The following FAM163A variants were observed in gnomAD, a reference collection of about 807,000 sequenced individuals.
FAM163A encodes protein FAM163A.
Under a neutral mutation model 12.0 loss-of-function variants are expected in FAM163A, and 7 were observed. That is an observed-to-expected ratio of 0.58 (90% CI 0.33 to 1.10). The LOEUF (loss-of-function observed/expected upper bound fraction) is 1.10. Ranked by LOEUF, FAM163A falls within the 50% of genes least tolerant of loss-of-function variation. The probability of loss-of-function intolerance (pLI) is 0.03; values close to 1 mark genes in which losing one functional copy is unlikely to be tolerated. For synonymous variants in FAM163A, 101 were observed against 91.0 expected (o/e 1.11, Z -0.62); for missense variants, 202 against 218.6 (o/e 0.92, Z 0.48).
At position 179,813,064 on chromosome 1, in the gene FAM163A, A is replaced by C; in HGVS notation, c.-22-12A>C. 6.4e-7 allele frequency: 1 copy of C among 1,550,698 alleles called. No homozygotes were observed. The highest frequency in any genetic ancestry group is 8.7e-7 in the Non-Finnish European group (1 of 1,146,276). On this transcript the variant is annotated splice_polypyrimidine_tract_variant and intron_variant, in intron 3 of 4. Transcript: ENST00000341785. ...CCACAGCTGGTCCTCAGCCCTCCGC[A>C]CATCTTTGCAGAGTTTGATGGGGCG...
intron 2 of FAM163A, among the ~76,000 whole-genome samples, chr1:179,809,795 G>A (rs1003297057): frequency 7.9e-5 from 12 of 152,282 alleles, no homozygotes; most frequent in African/African-American, 2.6e-4. Context: ...CCTCAGCGAC[G>A]AATATGCAGG....
chr1:179,740,172 TTTG>T (rs58589037), upstream of FAM163A, among the ~76,000 whole-genome samples: 51,698 of 150,872 alleles, frequency 0.34, 9,365 homozygotes, highest in African/African-American at 0.46. Context: ...TTATTTGGTT[TTTG>T]TTGTTGTTGT....
At chr1:179,750,194 A>G (rs1468863546) in intron 1 of FAM163A, among the ~76,000 whole-genome samples, 1 of 152,234 alleles carries the variant, frequency 6.6e-6, no homozygotes, top group Non-Finnish European at 1.5e-5. Context: ...TCAAGATGTC[A>G]GCAAGTGTTT....
intron 1 of FAM163A, among the ~76,000 whole-genome samples, chr1:179,757,144 AG>A (rs34325421): frequency 0.25 from 37,844 of 151,952 alleles, 5,283 homozygotes; most frequent in East Asian, 0.63. Flanking sequence ...GAAGGAAAAG[AG>A]AGATAGTTGG....
intron 1 of FAM163A, among the ~76,000 whole-genome samples, chr1:179,788,767 G>A (rs948453934): frequency 6.6e-6 from 1 of 152,166 alleles, no homozygotes. Context: ...GGAGGAAAGA[G>A]GTCACAAAAA....
chr1:179,807,085 G>A (rs78985205), intron 1 of FAM163A, among the ~76,000 whole-genome samples: 2,321 of 138,458 alleles, frequency 0.017, 30 homozygotes, highest in African/African-American at 0.04. Context: ...CTGTGTCTCA[G>A]AAAAAAAAAA....
chr1:179,815,982 A>G lies in FAM163A; in HGVS notation c.*1793A>G, dbSNP rs1366291078. The G allele has an allele frequency of 2.0e-5, 3 of 152,084 alleles. No homozygotes were observed. The highest frequency in any genetic ancestry group is 7.3e-5 in the African/African-American group (3 of 41,364). The allele number at this position is 152,084 out of a possible 1,614,324, so 9.4% of individuals were successfully genotyped here. A position where few individuals can be genotyped will look rare whatever the true frequency, so the allele number is the denominator to read the frequency against. On this transcript the variant is annotated 3_prime_UTR_variant, in exon 5 of 5. Coordinates refer to ENST00000341785, the MANE Select transcript of FAM163A (RefSeq NM_173509.3). The stretch of plus-strand genomic sequence containing the variant: ...ACCAGTCACTAATCTCTGAGACTCC[A>G]TTTTCTCCAGGGAAACGAGGCTTGC...
At chr1:179,806,934 T>G (rs1399793582) in intron 1 of FAM163A, among the ~76,000 whole-genome samples, 1 of 152,084 alleles carries the variant, frequency 6.6e-6, no homozygotes, top group Admixed American at 6.5e-5. Context: ...TGAAACTCTA[T>G]CTCTACTAAA....
At chr1:179,773,806 A>C (rs528675313) in intron 1 of FAM163A, among the ~76,000 whole-genome samples, 1 of 152,202 alleles carries the variant, frequency 6.6e-6, no homozygotes, top group Admixed American at 6.5e-5. Flanking sequence ...CTCTTCACCC[A>C]TATGGCCCTG....
intron 1 of FAM163A, among the ~76,000 whole-genome samples, chr1:179,793,307 C>A (rs1453891695): frequency 1.4e-5 from 2 of 145,982 alleles, no homozygotes; most frequent in Admixed American, 6.7e-5. Flanking sequence ...GTCACCACAA[C>A]CAGTTCTTTA....
intron 1 of FAM163A, among the ~76,000 whole-genome samples, chr1:179,774,389 G>A (rs1284855878): frequency 6.6e-6 from 1 of 152,252 alleles, no homozygotes; most frequent in African/African-American, 2.4e-5. Flanking sequence ...CAGGGAAGTG[G>A]TGGGCTCCAA....
chr1:179,806,585 G>C (rs900913982), intron 1 of FAM163A, among the ~76,000 whole-genome samples: 2 of 152,218 alleles, frequency 1.3e-5, no homozygotes, highest in African/African-American at 4.8e-5. Flanking sequence ...TTCTGGCCGA[G>C]GGTGAGAACC....
intron 1 of FAM163A, among the ~76,000 whole-genome samples, chr1:179,793,237 C>T (rs1294462600): frequency 1.3e-5 from 2 of 152,118 alleles, no homozygotes; most frequent in Admixed American, 6.6e-5. Context: ...TCTCTGGATA[C>T]GGTCCCTTCT....
At chr1:179,728,555 C>T in the FAM163A span, among the ~76,000 whole-genome samples, 1 of 152,022 alleles carries the variant, frequency 6.6e-6, no homozygotes, top group Admixed American at 6.5e-5. Flanking sequence ...GTAAGAGCAC[C>T]CAGTGAATTC....
At chr1:179,749,139 A>G (rs144519342) in intron 1 of FAM163A, among the ~76,000 whole-genome samples, 236 of 152,328 alleles carry the variant, frequency 1.5e-3, no homozygotes, top group African/African-American at 5.5e-3. Context: ...CTGCCTCAGC[A>G]TTTTATTTGT....
upstream of FAM163A, among the ~76,000 whole-genome samples, chr1:179,741,765 G>C (rs1683672600): frequency 6.6e-6 from 1 of 152,170 alleles, no homozygotes; most frequent in South Asian, 2.1e-4. Context: ...ATTACAAATT[G>C]GTAGAAACTA....
At chr1:179,812,990 C>A in intron 3 of FAM163A, 86 bp from the exon 4 acceptor site, 1 of 1,295,844 alleles carries the variant, frequency 7.7e-7, no homozygotes, top group Non-Finnish European at 1.1e-6. Context: ...CTGCCCCAGC[C>A]TCGGGGCAGT....
chr1:179,795,372 C>G (rs929274016), intron 1 of FAM163A, among the ~76,000 whole-genome samples: 1 of 152,192 alleles, frequency 6.6e-6, no homozygotes, highest in African/African-American at 2.4e-5. Context: ...GCCGTTGTAA[C>G]GGTTTTAAGA....
At chr1:179,800,592 C>T (rs2148310399) in intron 1 of FAM163A, among the ~76,000 whole-genome samples, 1 of 152,354 alleles carries the variant, frequency 6.6e-6, no homozygotes, top group Middle Eastern at 3.4e-3. Flanking sequence ...GGTCCTGAAA[C>T]CAGAGGACAG....
Sources: allele counts gnomAD v4.1 joint callset (sites outside exome capture counted in the v4.1 genomes callset), GRCh38; gene constraint gnomAD v4.1.1; transcripts MANE v1.5; gene names NCBI Gene and HGNC (gene_info 2026-07-23, HGNC 2026-07-21).